Variants in NME7 observed in about 807,000 individuals in gnomAD.
NME7 encodes NME/NM23 family member 7.
A neutral mutation model predicts 49.1 loss-of-function variants in NME7; 41 were observed. The observed-to-expected ratio is 0.83, with a 90% CI of 0.65 to 1.08. NME7 has a LOEUF of 1.08. NME7 is among the 50% of genes least tolerant of loss of function. NME7 has a pLI of 0.00. For synonymous variants in NME7, 139 were observed against 150.6 expected (o/e 0.92, Z 0.56); for missense variants, 423 against 463.4 (o/e 0.91, Z 0.80).
At chr1:169,192,190 A>T (rs1660249492) in intron 10 of NME7, among the ~76,000 whole-genome samples, 1 of 152,210 alleles carries the variant, frequency 6.6e-6, no homozygotes, top group African/African-American at 2.4e-5. Context: ...AGAGGTGTAG[A>T]CAATTAACGG....
chr1:169,169,306 G>T, intron 11 of NME7, 141 bp downstream of exon 11: 1 of 665,006 alleles, frequency 1.5e-6, no homozygotes, highest in Non-Finnish European at 2.6e-6. Context: ...GTATACCTAT[G>T]TAACAAAACT....
intron 3 of NME7, among the ~76,000 whole-genome samples, chr1:169,322,865 C>T (rs1454358237): frequency 6.6e-6 from 1 of 151,988 alleles, no homozygotes; most frequent in African/African-American, 2.4e-5. Context: ...CTAATACAGA[C>T]AAGGTGCTTG....
chr1:169,133,114 A>G (rs1025570598), intron 11 of NME7, among the ~76,000 whole-genome samples: 4 of 152,206 alleles, frequency 2.6e-5, no homozygotes, highest in African/African-American at 9.6e-5. Flanking sequence ...TTAGCACTTC[A>G]GTTTTTAAAA....
rs149995245 is a variant in NME7 at position 169,276,649 on chromosome 1, C to T, written c.754+10654G>A. Among the ~76,000 whole-genome samples the T allele has an allele frequency of 2.5e-4, 33 of 132,782 alleles. 3 individuals are homozygous for T. The highest frequency in any genetic ancestry group is 2.1e-3 in the Admixed American group (28 of 13,432). The allele number at this position is 132,782 out of a possible 152,430, so 87.1% of individuals were successfully genotyped here. On this transcript the variant is annotated intron_variant, in intron 7 of 11. Transcript: ENST00000367811. ...CTTTCAAAAAACCAGCTCCTGGATT[C>T]GTTGATTTTTTGAAGGGTTTTTTGG...
At chr1:169,341,763 T>C (rs1022591293) in intron 1 of NME7, among the ~76,000 whole-genome samples, 2 of 152,116 alleles carry the variant, frequency 1.3e-5, no homozygotes, top group Non-Finnish European at 2.9e-5. Flanking sequence ...GGAGCTTTAA[T>C]GAATTAAAAA....
intron 11 of NME7, among the ~76,000 whole-genome samples, chr1:169,168,465 G>C (rs1392082511): frequency 1.3e-5 from 2 of 152,118 alleles, no homozygotes; most frequent in Admixed American, 1.3e-4. Flanking sequence ...ATGATGTCCA[G>C]GGTGGAGTTC....
chr1:169,235,798 A>G (rs1293506910), intron 8 of NME7, among the ~76,000 whole-genome samples: 1 of 152,120 alleles, frequency 6.6e-6, no homozygotes, highest in Non-Finnish European at 1.5e-5. Flanking sequence ...AGTCATGTGG[A>G]CTTCCTGCTA....
rs1399816937 is a variant in NME7, at chr1:169,298,559, G to T, written c.645C>A (p.Ala215=). ...AAATATTTTTAAAACACCTTACTCT[G>T]GCCGCAGAAGCAAAAGAATCAGGGC... ...AHGPDSFASA[A]REMELFFPSS... The change falls in exon 6 of 12, where the codon GCC becomes GCA. Residue 215 remains alanine (A), a synonymous_variant. Coordinates refer to ENST00000367811, the MANE Select transcript of NME7 (RefSeq NM_013330.5). 6.2e-7 allele frequency: 1 copy of T among 1,613,538 alleles called. No homozygotes were observed.
At chr1:169,244,078 T>C (rs1344757237) in intron 7 of NME7, among the ~76,000 whole-genome samples, 1 of 152,150 alleles carries the variant, frequency 6.6e-6, no homozygotes, top group Non-Finnish European at 1.5e-5. Context: ...TATGTGTATA[T>C]ACAGCTATGA....
At chr1:169,204,628 T>C (rs138077369) in intron 10 of NME7, among the ~76,000 whole-genome samples, 9 of 152,260 alleles carry the variant, frequency 5.9e-5, no homozygotes, top group African/African-American at 2.2e-4. Context: ...CCTTACGCAC[T>C]TACTCCAGAG....
intron 11 of NME7, among the ~76,000 whole-genome samples, chr1:169,136,217 T>C (rs1196673364): frequency 6.6e-6 from 1 of 152,170 alleles, no homozygotes; most frequent in Non-Finnish European, 1.5e-5. Context: ...TCCTTTCCTT[T>C]TGATAAGGAG....
chr1:169,358,356 T>C (rs957133564), intron 1 of NME7, among the ~76,000 whole-genome samples: 9 of 152,078 alleles, frequency 5.9e-5, no homozygotes, highest in Non-Finnish European at 1.5e-5. Context: ...AGAAAATAAC[T>C]ATCCAAAAAG....
intron 5 of NME7, among the ~76,000 whole-genome samples, chr1:169,301,037 T>C (rs1380829739): frequency 6.6e-6 from 1 of 152,144 alleles, no homozygotes; most frequent in Non-Finnish European, 1.5e-5. Flanking sequence ...AAAGAATTTA[T>C]GACTAAGTCC....
At chr1:169,202,074 T>C (rs1052049903) in intron 10 of NME7, among the ~76,000 whole-genome samples, 2 of 152,158 alleles carry the variant, frequency 1.3e-5, no homozygotes, top group East Asian at 3.9e-4. Flanking sequence ...CTAATATTTC[T>C]TCAGCATTAC....
At chr1:169,293,108 A>G (rs1304459799) in intron 6 of NME7, among the ~76,000 whole-genome samples, 1 of 151,818 alleles carries the variant, frequency 6.6e-6, no homozygotes, top group Non-Finnish European at 1.5e-5. Flanking sequence ...CAGACTGGGC[A>G]ATATCACAAG....
chr1:169,196,131 T>C (rs1015420994), intron 10 of NME7, among the ~76,000 whole-genome samples: 2 of 152,254 alleles, frequency 1.3e-5, no homozygotes, highest in Non-Finnish European at 2.9e-5. Context: ...TGTTTCATTG[T>C]TGTTACTGTT....
chr1:169,333,463 G>A lies in NME7; in HGVS notation c.4-8963C>T, dbSNP rs183247509. On this transcript the variant is annotated intron_variant, in intron 1 of 11. Transcript: ENST00000367811. ...ATTGTACATTTTAAAATAACTTAAA[G>A]AGTGTAACTGCATTGTTTGTAACAA... Among the ~76,000 whole-genome samples, 11 of 152,132 alleles carry A rather than the reference G, an allele frequency of 7.2e-5. No homozygotes were observed. The East Asian group carries it at 1.9e-3, about 27-fold the overall frequency.
chr1:169,237,743 C>A, intron 7 of NME7, 56 bp from the exon 8 acceptor site: 1 of 1,388,352 alleles, frequency 7.2e-7, no homozygotes, highest in Non-Finnish European at 1.0e-6. Context: ...ATTTTAGTTT[C>A]TTAGAAATGC....
chr1:169,282,571 C>T (rs1650067720), intron 7 of NME7, among the ~76,000 whole-genome samples: 1 of 152,078 alleles, frequency 6.6e-6, no homozygotes, highest in Non-Finnish European at 1.5e-5. Context: ...TTCCTGCTTT[C>T]TCTTGTGGGC....
Sources: gnomAD v4.1 joint callset for allele counts (sites outside exome capture counted in the v4.1 genomes callset) on GRCh38, gnomAD v4.1.1 for gene constraint, MANE v1.5 for transcripts, NCBI Gene and HGNC (gene_info 2026-07-23, HGNC 2026-07-21) for gene names.